Variants in GPC5 observed in about 807,000 individuals in gnomAD.
GPC5 encodes glypican 5.
GPC5 carries 47 observed loss-of-function variants against 53.9 expected under a neutral mutation model. That is an observed-to-expected ratio of 0.87 (90% CI 0.69 to 1.11). The LOEUF (loss-of-function observed/expected upper bound fraction) is 1.11, where lower values mean the gene tolerates loss of function less well. GPC5 is among the 50% of genes most tolerant of loss of function. The pLI is 0.00. For synonymous variants in GPC5, 286 were observed against 263.3 expected (o/e 1.09, Z -0.84); for missense variants, 748 against 713.1 (o/e 1.05, Z -0.56).
At chr13:91,701,242 C>CAAGTGTAT (rs1594450363) in intron 3 of GPC5, among the ~76,000 whole-genome samples, 1 of 152,032 alleles carries the variant, frequency 6.6e-6, no homozygotes, top group East Asian at 1.9e-4. Flanking sequence ...TGAGAAAGTT[C>CAAGTGTAT]AAGTGTATAA....
intron 7 of GPC5, among the ~76,000 whole-genome samples, chr13:92,253,307 G>T (rs1367992688): frequency 6.6e-6 from 1 of 152,080 alleles, no homozygotes; most frequent in Non-Finnish European, 1.5e-5. Flanking sequence ...GTCTCTGAAG[G>T]GTTTGGACCT....
intron 2 of GPC5, among the ~76,000 whole-genome samples, chr13:91,530,794 A>T (rs1886307053): frequency 6.6e-6 from 1 of 152,242 alleles, no homozygotes; most frequent in South Asian, 2.1e-4. Context: ...TAAACTTTGC[A>T]GCAAATATTT....
At chr13:92,694,911 G>T (rs1234396643) in intron 7 of GPC5, among the ~76,000 whole-genome samples, 1 of 152,218 alleles carries the variant, frequency 6.6e-6, no homozygotes, top group Non-Finnish European at 1.5e-5. Flanking sequence ...GAGACTAGGA[G>T]GGAGGTGATT....
chr13:92,263,112 G>A (rs1323496503), intron 7 of GPC5, among the ~76,000 whole-genome samples: 1 of 152,002 alleles, frequency 6.6e-6, no homozygotes, highest in Admixed American at 6.6e-5. Flanking sequence ...ACAGAAAAAT[G>A]AAAACTGGAA....
intron 1 of GPC5, among the ~76,000 whole-genome samples, chr13:91,448,537 C>T (rs1469807709): frequency 6.6e-6 from 1 of 152,064 alleles, no homozygotes; most frequent in African/African-American, 2.4e-5. Flanking sequence ...TAATATTTGA[C>T]CAAGAAGTTA....
intron 7 of GPC5, among the ~76,000 whole-genome samples, chr13:92,379,667 C>T (rs752926080): frequency 6.6e-6 from 1 of 152,020 alleles, no homozygotes; most frequent in Non-Finnish European, 1.5e-5. Context: ...GTGCCCCCTG[C>T]ATATTAGTTC....
chr13:92,191,116 A>T (rs1341818271), intron 7 of GPC5, among the ~76,000 whole-genome samples: 1 of 152,100 alleles, frequency 6.6e-6, no homozygotes, highest in Non-Finnish European at 1.5e-5. Flanking sequence ...TACTGGAGAT[A>T]AAAAAGGGGC....
intron 2 of GPC5, among the ~76,000 whole-genome samples, chr13:91,639,903 T>C (rs552308037): frequency 2.6e-5 from 4 of 152,272 alleles, no homozygotes; most frequent in Non-Finnish European, 4.4e-5. Context: ...AGATTAAATA[T>C]AAAGTAAAAT....
At chr13:92,704,570 T>C (rs771186061) in intron 7 of GPC5, among the ~76,000 whole-genome samples, 20 of 152,150 alleles carry the variant, frequency 1.3e-4, no homozygotes, top group Admixed American at 3.9e-4. Flanking sequence ...TCTTTATATA[T>C]GATTTCTTTC....
intron 5 of GPC5, among the ~76,000 whole-genome samples, chr13:91,815,481 A>G (rs1293876491): frequency 2.6e-5 from 4 of 152,232 alleles, no homozygotes; most frequent in Non-Finnish European, 2.9e-5. Context: ...GTGTTTTTAT[A>G]GCATTGTATC....
chr13:92,831,838 G>GC (rs1281768435), intron 7 of GPC5, among the ~76,000 whole-genome samples: 1 of 152,100 alleles, frequency 6.6e-6, no homozygotes, highest in Non-Finnish European at 1.5e-5. Flanking sequence ...GTCATAAATA[G>GC]CATCAGTAAA....
Position 92,569,849 on chromosome 13 carries a change from C to T in GPC5, c.1562-296433C>T, listed in dbSNP as rs115723880. Among the ~76,000 whole-genome samples the T allele has an allele frequency of 3.3e-3, 506 of 152,256 alleles. 3 individuals are homozygous for T. The highest frequency in any genetic ancestry group is 0.011 in the African/African-American group (448 of 41,552). ...ACTTTGATTATGAACTGATACAGCA[C>T]GGAACTATCAGGAGCCTGGCTCCTT... On this transcript the variant is annotated intron_variant, in intron 7 of 7. Transcript: ENST00000377067.
chr13:91,840,132 T>C (rs777493128), intron 5 of GPC5, among the ~76,000 whole-genome samples: 2 of 152,114 alleles, frequency 1.3e-5, no homozygotes, highest in Non-Finnish European at 2.9e-5. Flanking sequence ...ATGGCAACTC[T>C]TTACTGAAGT....
At chr13:92,524,754 T>G (rs993274292) in intron 7 of GPC5, among the ~76,000 whole-genome samples, 10 of 152,214 alleles carry the variant, frequency 6.6e-5, no homozygotes, top group African/African-American at 2.4e-4. Context: ...TTGCTTATAT[T>G]TGTTTTAGGC....
At chr13:92,015,061 C>A (rs1307095229) in intron 6 of GPC5, among the ~76,000 whole-genome samples, 1 of 152,048 alleles carries the variant, frequency 6.6e-6, no homozygotes, top group Non-Finnish European at 1.5e-5. Flanking sequence ...GTACCTTAAA[C>A]CAGTGATTCT....
chr13:92,624,277 C>T (rs987787951), intron 7 of GPC5, among the ~76,000 whole-genome samples: 31 of 152,062 alleles, frequency 2.0e-4, no homozygotes, highest in African/African-American at 7.5e-4. Context: ...GCCCTGTTGG[C>T]CAGGCTGGTC....
intron 7 of GPC5, among the ~76,000 whole-genome samples, chr13:92,627,067 C>T (rs74107079): frequency 0.041 from 6,211 of 152,228 alleles, 181 homozygotes; most frequent in Admixed American, 0.1. Context: ...ACATCTTCCT[C>T]TCAATCTCAG....
chr13:91,862,586 A>C (rs2039041849), intron 5 of GPC5, among the ~76,000 whole-genome samples: 1 of 152,204 alleles, frequency 6.6e-6, no homozygotes, highest in Non-Finnish European at 1.5e-5. Flanking sequence ...TATATTTTCT[A>C]CAAACAAAAT....
intron 7 of GPC5, among the ~76,000 whole-genome samples, chr13:92,427,879 C>A (rs1281565111): frequency 3.3e-5 from 5 of 151,878 alleles, no homozygotes; most frequent in African/African-American, 1.2e-4. Context: ...GAAGTGTTTG[C>A]CAAAAAGTAA....
Sources: gnomAD v4.1 joint callset for allele counts (sites outside exome capture counted in the v4.1 genomes callset) on GRCh38, gnomAD v4.1.1 for gene constraint, MANE v1.5 for transcripts, NCBI Gene and HGNC (gene_info 2026-07-23, HGNC 2026-07-21) for gene names.